PARD3B: variants seen among roughly 807,000 people sequenced by gnomAD.
The protein encoded by PARD3B is par-3 family cell polarity regulator beta.
Under a neutral mutation model 130.2 loss-of-function variants are expected in PARD3B, and 103 were observed. That is an observed-to-expected ratio of 0.79 (90% confidence interval 0.67 to 0.93). The LOEUF is 0.93. Ranked by LOEUF, PARD3B falls within the 40% of genes least tolerant of loss-of-function variation. The pLI, the probability that PARD3B is intolerant of heterozygous loss-of-function variation, is 0.00. For synonymous variants in PARD3B, 583 were observed against 553.2 expected (o/e 1.05, Z -0.76); for missense variants, 1,609 against 1,499.2 (o/e 1.07, Z -1.21).
At chr2:204,569,243 CTCTTA>C (rs2031855089) in intron 1 of PARD3B, among the ~76,000 whole-genome samples, 1 of 152,132 alleles carries the variant, frequency 6.6e-6, no homozygotes, top group Non-Finnish European at 1.5e-5. Flanking sequence ...ATGCGTATAG[CTCTTA>C]TCTTTTATTT....
intron 2 of PARD3B, among the ~76,000 whole-genome samples, chr2:204,910,305 A>G (rs1292393767): frequency 6.6e-6 from 1 of 152,186 alleles, no homozygotes; most frequent in Non-Finnish European, 1.5e-5. Context: ...ACCTTAAAAA[A>G]ACCTAGACCT....
intron 21 of PARD3B, among the ~76,000 whole-genome samples, chr2:205,508,779 AAG>A (rs756087189): frequency 1.2e-3 from 189 of 152,286 alleles, no homozygotes; most frequent in Non-Finnish European, 2.1e-3. Flanking sequence ...CAGAGAAAAA[AAG>A]AGAGAAAAAA....
chr2:205,476,624 GT>G, intron 20 of PARD3B, among the ~76,000 whole-genome samples: 1 of 151,314 alleles, frequency 6.6e-6, no homozygotes, highest in African/African-American at 2.4e-5. Context: ...TTTTTTGTTT[GT>G]TTTTTTGTTT....
rs57981749 is a variant in PARD3B, at chr2:205,530,863, A to G, written c.3181-22461A>G. 1.1e-3 allele frequency among the ~76,000 whole-genome samples: 164 copies of G among 152,338 alleles called. No individual in the cohort carries two copies. The highest frequency in any genetic ancestry group is 3.6e-3 in the African/African-American group (151 of 41,584). On this transcript the variant is annotated intron_variant, in intron 21 of 22. Transcript: ENST00000406610. This position sits in a 1 kb window ranked among gnomAD's most constrained non-coding sequence, Gnocchi z 4.7. ...TCTAGAGGCATGACCCACCTGGATA[A>G]GAATTGTTGTAAAGGAATTATGTAG...
At chr2:205,138,742 GA>G (rs1283466144) in intron 10 of PARD3B, among the ~76,000 whole-genome samples, 2 of 152,190 alleles carry the variant, frequency 1.3e-5, no homozygotes, top group African/African-American at 2.4e-5. Flanking sequence ...TGGGCTGCAT[GA>G]ATTCTCTTCT....
intron 22 of PARD3B, among the ~76,000 whole-genome samples, chr2:205,583,014 G>A (rs926992107): frequency 8.5e-5 from 13 of 152,236 alleles, no homozygotes; most frequent in African/African-American, 3.1e-4. Context: ...TAACCTAATT[G>A]TATAGAAATA....
chr2:205,586,947 A>G (rs1451673669), intron 22 of PARD3B, among the ~76,000 whole-genome samples: 1 of 152,124 alleles, frequency 6.6e-6, no homozygotes, highest in African/African-American at 2.4e-5. Context: ...GTCCATTTCA[A>G]ATTTTTCGTA....
In PARD3B at chr2:205,142,241, T is replaced by A. The variant is rs1320856037; in HGVS notation, c.1435-16481T>A. Among the ~76,000 whole-genome samples the A allele has an allele frequency of 6.6e-6, 1 of 152,044 alleles. No homozygotes were observed. Among genetic ancestry groups the A allele is most frequent in the Non-Finnish European group, 1.5e-5 (1 of 67,996 alleles). On this transcript the variant is annotated intron_variant, in intron 10 of 22. Coordinates refer to ENST00000406610, the MANE Select transcript of PARD3B (RefSeq NM_001302769.2). This position sits in a 1 kb window ranked among gnomAD's most constrained non-coding sequence, Gnocchi z 4.3. The stretch of plus-strand genomic sequence containing the variant: ...AAGCAGGGTAAAGAGAGAGCATAAG[T>A]TTTAGGTGGAGAGAATCCCATTTAA...
At chr2:204,788,300 CAT>C (rs1171012311) in intron 2 of PARD3B, among the ~76,000 whole-genome samples, 1 of 152,200 alleles carries the variant, frequency 6.6e-6, no homozygotes, top group Admixed American at 6.5e-5. Context: ...ATCTATGGAA[CAT>C]ATTCTTCCTC....
intron 18 of PARD3B, among the ~76,000 whole-genome samples, chr2:205,324,987 A>G (rs1461134180): frequency 1.3e-5 from 2 of 152,308 alleles, no homozygotes; most frequent in Middle Eastern, 3.4e-3. Flanking sequence ...CAATCCATCA[A>G]TTCGTTACCA....
At chr2:205,115,997 A>C (rs1575830367) in intron 6 of PARD3B, among the ~76,000 whole-genome samples, 1 of 152,206 alleles carries the variant, frequency 6.6e-6, no homozygotes, top group East Asian at 1.9e-4. Context: ...ACCTAATCTA[A>C]GTTAGATCAT....
chr2:205,102,448 G>A (rs1276707209), intron 4 of PARD3B, among the ~76,000 whole-genome samples: 3 of 151,268 alleles, frequency 2.0e-5, no homozygotes, highest in South Asian at 2.1e-4. Context: ...TTTGTAACCC[G>A]CCCAACCCTG....
chr2:205,132,361 T>C (rs1165974876), intron 10 of PARD3B, among the ~76,000 whole-genome samples: 1 of 152,104 alleles, frequency 6.6e-6, no homozygotes, highest in Non-Finnish European at 1.5e-5. Flanking sequence ...ATCCTAGAGT[T>C]TTATGACTTT....
intron 4 of PARD3B, among the ~76,000 whole-genome samples, chr2:205,100,331 ATATT>A (rs1702683765): frequency 6.6e-6 from 1 of 152,124 alleles, no homozygotes; most frequent in Non-Finnish European, 1.5e-5. Context: ...ACTAAAAAGA[ATATT>A]TATTTTAATT....
chr2:205,145,882 C>T (rs532063477), intron 10 of PARD3B, among the ~76,000 whole-genome samples: 1 of 149,848 alleles, frequency 6.7e-6, no homozygotes, highest in Admixed American at 6.6e-5. Flanking sequence ...CACCCTCATT[C>T]TCTCCCCATA....
chr2:205,527,580 A>G (rs909274757), intron 21 of PARD3B, among the ~76,000 whole-genome samples: 1 of 152,168 alleles, frequency 6.6e-6, no homozygotes, highest in Non-Finnish European at 1.5e-5. Context: ...CTCCTCTGCC[A>G]TAGAAAACCT....
chr2:204,654,713 C>A (rs2035588038), intron 1 of PARD3B, among the ~76,000 whole-genome samples: 1 of 152,124 alleles, frequency 6.6e-6, no homozygotes, highest in South Asian at 2.1e-4. Flanking sequence ...GGAACTGGAA[C>A]TTCATTATTG....
intron 3 of PARD3B, among the ~76,000 whole-genome samples, chr2:205,025,084 G>T (rs576966820): frequency 6.6e-6 from 1 of 152,290 alleles, no homozygotes; most frequent in East Asian, 1.9e-4. Context: ...TCTTTGTATT[G>T]TTGCTGTTTA....
At position 205,011,116 on chromosome 2, in the gene PARD3B, T is replaced by G. The variant is rs1221131436; in HGVS notation, c.395-36465T>G. 6.6e-6 allele frequency among the ~76,000 whole-genome samples: 1 copy of G among 152,216 alleles called. No homozygotes were observed. Among genetic ancestry groups the G allele is most frequent in the Admixed American group, 6.5e-5 (1 of 15,290 alleles). The stretch of plus-strand genomic sequence containing the variant: ...TTGGATAGAGATCCTGCCTATTCAC[T>G]CTTGGCTGGTAGATGTTGTTATCCA... On this transcript the variant is annotated intron_variant, in intron 3 of 22. Transcript: ENST00000406610. The surrounding 1 kb of genome is among the most constrained non-coding windows in gnomAD (Gnocchi z 4.1).
Sources: gnomAD v4.1 joint callset for allele counts (sites outside exome capture counted in the v4.1 genomes callset) on GRCh38, gnomAD v4.1.1 for gene constraint, Gnocchi (gnomAD v3.1) non-coding constraint, MANE v1.5 for transcripts, NCBI Gene and HGNC (gene_info 2026-07-23, HGNC 2026-07-21) for gene names.